Variants in LRRC17 observed in about 807,000 individuals in gnomAD.
LRRC17 encodes leucine rich repeat containing 17.
A neutral mutation model predicts 41.5 loss-of-function variants in LRRC17; 33 were observed. That is an observed-to-expected ratio of 0.80 (90% confidence interval 0.60 to 1.06). The LOEUF (loss-of-function observed/expected upper bound fraction) is 1.06. Ranked by LOEUF, LRRC17 falls within the 50% of genes least tolerant of loss-of-function variation. LRRC17 has a pLI of 0.00. For synonymous variants in LRRC17, 192 were observed against 197.0 expected (o/e 0.97, Z 0.21); for missense variants, 491 against 519.3 (o/e 0.95, Z 0.53).
chr7:102,937,266 G>A (rs1820500516), intron 2 of LRRC17, among the ~76,000 whole-genome samples: 1 of 151,646 alleles, frequency 6.6e-6, no homozygotes, highest in Admixed American at 6.6e-5. Flanking sequence ...TTGGGAGGCC[G>A]AGGCAGGTGG....
In LRRC17 at chr7:102,937,546, A is replaced by C. The variant is rs116553678; in HGVS notation, c.773-1884A>C. Among the ~76,000 whole-genome samples, 555 of 149,402 alleles carry C rather than the reference A, an allele frequency of 3.7e-3. 5 individuals carry two copies. Among genetic ancestry groups the C allele is most frequent in the African/African-American group, 0.013 (548 of 40,770 alleles). On this transcript the variant is annotated intron_variant, in intron 2 of 3. Coordinates refer to ENST00000339431, the MANE Select transcript of LRRC17 (RefSeq NM_001031692.3). ...AAAATGAAGGGTAGCTTTGTCTTTTAATACTATCAGTACAAATGGCTTTCA... is the reference window on the plus strand; with the variant it reads ...AAAATGAAGGGTAGCTTTGTCTTTTCATACTATCAGTACAAATGGCTTTCA...
chr7:102,913,316 C>T, intron 1 of LRRC17, 171 bp downstream of exon 1: 1 of 1,426,344 alleles, frequency 7.0e-7, no homozygotes, highest in Non-Finnish European at 9.6e-7. Context: ...TTCAACTCTT[C>T]TTCTTGCAGA....
chr7:102,913,056 C>T lies in LRRC17; in HGVS notation c.-230C>T, dbSNP rs755183814. The T allele has an allele frequency of 3.1e-6, 5 of 1,613,772 alleles. No individual in the cohort carries two copies. Among genetic ancestry groups the T allele is most frequent in the South Asian group, 1.1e-5 (1 of 91,064 alleles). ...ATTCTCTGGAGAACTTCCTCACACA[C>T]CGCAGCAAAGAGAAGACTGAAAGAC... On this transcript the variant is annotated 5_prime_UTR_variant, in exon 1 of 4. Transcript: ENST00000339431.
rs950157619 is a variant in LRRC17 at position 102,944,749 on chromosome 7, T to C, written c.*142T>C. 5.4e-5 allele frequency: 39 copies of C among 722,096 alleles called. No homozygotes were observed. The highest frequency in any genetic ancestry group is 8.4e-5 in the Non-Finnish European group (38 of 454,086). 44.7% of individuals were successfully genotyped at this position (722,096 alleles called of 1,614,324 possible). On this transcript the variant is annotated 3_prime_UTR_variant, in exon 4 of 4. Transcript: ENST00000339431. ...AAGCTTTCTTTAATTATAAGTATTA[T>C]TGTGACTATTATAGTAATCAAGAGA...
At chr7:102,941,124 C>T (rs1178937796) in intron 3 of LRRC17, among the ~76,000 whole-genome samples, 1 of 152,180 alleles carries the variant, frequency 6.6e-6, no homozygotes, top group African/African-American at 2.4e-5. Flanking sequence ...CAGTATGCTA[C>T]ACTTATACCT....
chr7:102,913,999 T>TA (rs764445891), intron 1 of LRRC17, among the ~76,000 whole-genome samples: 34 of 152,174 alleles, frequency 2.2e-4, no homozygotes, highest in Non-Finnish European at 2.9e-5. Flanking sequence ...GATGAGCCTG[T>TA]ACTACCATAC....
intron 3 of LRRC17, among the ~76,000 whole-genome samples, chr7:102,940,354 C>A (rs946764909): frequency 6.6e-6 from 1 of 151,896 alleles, no homozygotes; most frequent in Non-Finnish European, 1.5e-5. Context: ...GAACTACAGG[C>A]ACCCGCCACC....
intron 1 of LRRC17, chr7:102,933,324 T>C (rs1317153062): frequency 1.3e-5 from 2 of 152,116 alleles, no homozygotes; most frequent in Admixed American, 6.5e-5. Flanking sequence ...GTCCTACCCT[T>C]GTGTGTGCAT....
intron 1 of LRRC17, among the ~76,000 whole-genome samples, chr7:102,927,653 G>T (rs903571659): frequency 6.6e-6 from 1 of 152,134 alleles, no homozygotes; most frequent in Non-Finnish European, 1.5e-5. Flanking sequence ...TTCTGCTATA[G>T]GGAAGGTTCT....
At chr7:102,923,529 T>C (rs1014183657) in intron 1 of LRRC17, among the ~76,000 whole-genome samples, 1 of 152,148 alleles carries the variant, frequency 6.6e-6, no homozygotes, top group Non-Finnish European at 1.5e-5. Context: ...CTTGCCTGTA[T>C]AAGAATTTTA....
At chr7:102,916,229 C>T (rs543982106) in intron 1 of LRRC17, among the ~76,000 whole-genome samples, 45 of 152,124 alleles carry the variant, frequency 3.0e-4, no homozygotes, top group African/African-American at 1.1e-3. Flanking sequence ...TCAGGTGATC[C>T]GCCCACCTCG....
intron 1 of LRRC17, among the ~76,000 whole-genome samples, chr7:102,931,009 T>G (rs1442936664): frequency 6.6e-6 from 1 of 152,160 alleles, no homozygotes; most frequent in Non-Finnish European, 1.5e-5. Flanking sequence ...GCCAAAACCC[T>G]ATGGTTAAGG....
Position 102,944,384 on chromosome 7 carries a change from A to G in LRRC17, c.1103A>G (p.His368Arg). 6.2e-7 allele frequency: 1 copy of G among 1,614,102 alleles called. No homozygotes were observed. The highest frequency in any genetic ancestry group is 8.5e-7 in the Non-Finnish European group (1 of 1,179,966). ...TACCTCTACTACTGGTTAAAGCACC[A>G]CTACAATGTCCATTTTAATGGCCTG... is the stretch of plus-strand genomic sequence containing the variant. ...IHYLYYWLKH[H>R]YNVHFNGLEC... The change falls in exon 4 of 4, where the codon CAC (histidine) becomes CGC (arginine). Residue 368 changes from histidine (H) to arginine (R), a missense_variant. Coordinates refer to ENST00000339431, the MANE Select transcript of LRRC17 (RefSeq NM_001031692.3).
intron 2 of LRRC17, 95 bp from the exon 3 acceptor site, chr7:102,939,335 T>C: frequency 9.1e-7 from 1 of 1,093,172 alleles, no homozygotes; most frequent in Admixed American, 2.3e-5. Context: ...CCCCTTCTCT[T>C]TAAGAGCTGA....
intron 3 of LRRC17, 146 bp downstream of exon 3, chr7:102,939,731 C>T: frequency 1.3e-6 from 1 of 754,358 alleles, no homozygotes; most frequent in Non-Finnish European, 2.0e-6. Flanking sequence ...GACACTTATA[C>T]TAGGAGTTGT....
chr7:102,934,300 C>G lies in LRRC17; in HGVS notation c.387C>G (p.Asn129Lys), dbSNP rs1819834620. The G allele has an allele frequency of 6.2e-7, 1 of 1,614,136 alleles. No homozygotes were observed. Among genetic ancestry groups the G allele is most frequent in the East Asian group, 2.2e-5 (1 of 44,882 alleles). The change falls in exon 2 of 4, where the codon AAC (asparagine) becomes AAG (lysine). Residue 129 changes from asparagine to lysine, a missense_variant. Transcript: ENST00000339431. ...KIESEAFFGL[N>K]KLTTLLLQHN... ...AGAGTGAGGCGTTCTTTGGTTTAAACAAACTCACCACCCTCTTACTGCAGC... is the reference window on the plus strand; with the variant it reads ...AGAGTGAGGCGTTCTTTGGTTTAAAGAAACTCACCACCCTCTTACTGCAGC...
intron 1 of LRRC17, among the ~76,000 whole-genome samples, chr7:102,916,933 AT>A (rs1816006755): frequency 6.6e-6 from 1 of 152,186 alleles, no homozygotes; most frequent in African/African-American, 2.4e-5. Flanking sequence ...CCATTAAAGA[AT>A]TGAAGTCATT....
At chr7:102,939,357 C>T (rs1370618943) in intron 2 of LRRC17, 73 bp from the exon 3 acceptor site, 1 of 1,281,708 alleles carries the variant, frequency 7.8e-7, no homozygotes, top group African/African-American at 1.5e-5. Flanking sequence ...TCTTCAATCA[C>T]ACAGATATAA....
chr7:102,920,905 G>C (rs981601407), intron 1 of LRRC17, among the ~76,000 whole-genome samples: 3 of 152,194 alleles, frequency 2.0e-5, no homozygotes, highest in African/African-American at 7.2e-5. Context: ...TGTAATCCCA[G>C]CACTTTGGGA....
Sources: allele counts gnomAD v4.1 joint callset (sites outside exome capture counted in the v4.1 genomes callset), GRCh38; gene constraint gnomAD v4.1.1; transcripts MANE v1.5; gene names NCBI Gene and HGNC (gene_info 2026-07-23, HGNC 2026-07-21).